Variants in DGKZ observed in about 807,000 individuals in gnomAD.
The protein encoded by DGKZ is diacylglycerol kinase zeta.
Under a neutral mutation model 142.5 loss-of-function variants are expected in DGKZ, and 45 were observed. That is an observed-to-expected ratio of 0.32 (90% CI 0.25 to 0.40). The LOEUF is 0.40. Among genes scored for constraint, DGKZ ranks in the 10% least tolerant of loss-of-function variants. The pLI, the probability that DGKZ is intolerant of heterozygous loss-of-function variation, is 1.00. For synonymous variants in DGKZ, 442 were observed against 527.0 expected (o/e 0.84, Z 2.21); for missense variants, 755 against 1,306.5 (o/e 0.58, Z 6.51).
intron 1 of DGKZ, chr11:46,366,853 T>TG (rs1344062971): frequency 6.5e-7 from 1 of 1,546,160 alleles, no homozygotes; most frequent in Non-Finnish European, 8.7e-7. Context: ...ACCCTGGCCC[T>TG]GGGGGCCGAA....
At chr11:46,347,387 C>G, upstream of DGKZ, 1 of 983,920 alleles carries the variant, frequency 1.0e-6, no homozygotes, top group Non-Finnish European at 1.2e-6. This position sits in a 1 kb window ranked among gnomAD's most constrained non-coding sequence, Gnocchi z 6.4. Flanking sequence ...TGCCACCGTG[C>G]GGCCGAGGGG....
intron 1 of DGKZ, chr11:46,366,695 C>G: frequency 6.4e-7 from 1 of 1,567,738 alleles, no homozygotes. Context: ...ACCCCCACCT[C>G]GGGGCGCCCA....
Position 46,335,449 on chromosome 11 carries a change from A to ACACG in DGKZ, c.212+1965_212+1966insGCAC, listed in dbSNP as rs1554938961. Among the ~76,000 whole-genome samples the ACACG allele has an allele frequency of 7.0e-3, 1,063 of 152,260 alleles. 3 individuals carry two copies. Among genetic ancestry groups the ACACG allele is most frequent in the African/African-American group, 0.025 (1,029 of 41,522 alleles). On this transcript the variant is annotated intron_variant, in intron 1 of 30. Transcript: ENST00000343674. ...CACGCACACACACACACACACACAC[A>ACACG]CACACGCACACAGCGGCAAGGGCTG...
intron 1 of DGKZ, among the ~76,000 whole-genome samples, chr11:46,336,543 C>T (rs1293505888): frequency 6.6e-6 from 1 of 152,160 alleles, no homozygotes. Flanking sequence ...GCCTGAGTGA[C>T]ACAGTGAGAC....
At chr11:46,362,143 G>T (rs954597910) in intron 1 of DGKZ, among the ~76,000 whole-genome samples, 5 of 152,182 alleles carry the variant, frequency 3.3e-5, no homozygotes, top group African/African-American at 1.2e-4. Flanking sequence ...GGGGTTCTGG[G>T]GAGGCAGCTG....
intron 14 of DGKZ, among the ~76,000 whole-genome samples, chr11:46,373,756 C>T (rs750460833): frequency 2.0e-5 from 3 of 152,202 alleles, no homozygotes; most frequent in Non-Finnish European, 2.9e-5. Flanking sequence ...CCTCGGCCTC[C>T]CAAAGCACTG....
In DGKZ at chr11:46,367,987, C is replaced by T. The variant is rs1943516538; in HGVS notation, c.367-15C>T. On this transcript the variant is annotated splice_polypyrimidine_tract_variant and intron_variant, in intron 3 of 30. Transcript: ENST00000527911. This position sits in a 1 kb window ranked among gnomAD's most constrained non-coding sequence, Gnocchi z 4.1. ...TTACCTGGTGCCTCAGGGGCCCTCT[C>T]TTCCTGTCCTGCAGCAGAAGTCAGT... is the stretch of plus-strand genomic sequence containing the variant. The T allele has an allele frequency of 3.7e-6, 6 of 1,613,828 alleles. No homozygotes were observed. The highest frequency in any genetic ancestry group is 5.1e-6 in the Non-Finnish European group (6 of 1,179,970).
At chr11:46,365,302 A>C (rs1943121400) in intron 1 of DGKZ, 1 of 985,254 alleles carries the variant, frequency 1.0e-6, no homozygotes, top group Admixed American at 6.1e-5. Context: ...CATCAGGAGC[A>C]GAGTCAGAAG....
chr11:46,369,237 G>A (rs965744863), intron 4 of DGKZ: 32 of 564,056 alleles, frequency 5.7e-5, no homozygotes, highest in Middle Eastern at 6.4e-4. Flanking sequence ...TGGGGGAGAC[G>A]GACCCAAAGC....
At chr11:46,348,645 C>T (rs1003573177) in intron 1 of DGKZ, among the ~76,000 whole-genome samples, 1 of 152,206 alleles carries the variant, frequency 6.6e-6, no homozygotes, top group African/African-American at 2.4e-5. Context: ...GACCAGGACT[C>T]TAGCGGGGAA....
intron 1 of DGKZ, among the ~76,000 whole-genome samples, chr11:46,334,174 A>AC (rs1449388604): frequency 6.6e-6 from 1 of 152,116 alleles, no homozygotes; most frequent in African/African-American, 2.4e-5. Flanking sequence ...CTGGGGTAGG[A>AC]CGTTAATGAG....
rs1336822808 is a variant in DGKZ, at chr11:46,369,923, T to C, written c.502-18T>C. Reference sequence around the variant, plus strand: ...TGCCCACCCCTCACCCAGTGAAATTTTTCCCCTTCTCCCCCAGCCAACCTT... The same window carrying C: ...TGCCCACCCCTCACCCAGTGAAATTCTTCCCCTTCTCCCCCAGCCAACCTT... On this transcript the variant is annotated intron_variant, in intron 5 of 30. Transcript: ENST00000527911. The C allele has an allele frequency of 6.2e-7, 1 of 1,613,798 alleles. No individual in the cohort carries two copies. The highest frequency in any genetic ancestry group is 1.7e-5 in the Admixed American group (1 of 60,014).
chr11:46,368,259 A>T, intron 4 of DGKZ, 180 bp downstream of exon 4: 1 of 706,156 alleles, frequency 1.4e-6, no homozygotes, highest in Non-Finnish European at 2.6e-6. Flanking sequence ...CTCACTGATT[A>T]GCTGCTGTAT....
chr11:46,350,326 C>G (rs1841948827), intron 1 of DGKZ, among the ~76,000 whole-genome samples: 1 of 152,120 alleles, frequency 6.6e-6, no homozygotes, highest in African/African-American at 2.4e-5. Flanking sequence ...GGTTCTGCCC[C>G]CTCCAATGCT....
intron 1 of DGKZ, among the ~76,000 whole-genome samples, chr11:46,353,343 C>G (rs1458723711): frequency 6.6e-6 from 1 of 152,168 alleles, no homozygotes; most frequent in Non-Finnish European, 1.5e-5. Context: ...CTGGGAAGAC[C>G]TAAGAAGAGG....
intron 1 of DGKZ, among the ~76,000 whole-genome samples, chr11:46,363,250 T>C (rs1181634928): frequency 6.6e-6 from 1 of 152,184 alleles, no homozygotes; most frequent in East Asian, 1.9e-4. Flanking sequence ...CAGAGGTTTC[T>C]ATGGAGACCA....
chr11:46,377,939 C>T, intron 25 of DGKZ: 1 of 560,750 alleles, frequency 1.8e-6, no homozygotes, highest in Non-Finnish European at 3.2e-6. Context: ...GTTCTGAATT[C>T]TTAAGAGCAC....
intron 1 of DGKZ, among the ~76,000 whole-genome samples, chr11:46,355,816 G>A (rs1327915349): frequency 2.6e-5 from 4 of 151,946 alleles, no homozygotes; most frequent in African/African-American, 4.8e-5. Flanking sequence ...GCGCGGTCTC[G>A]GCTCACCGCA....
intron 1 of DGKZ, among the ~76,000 whole-genome samples, chr11:46,350,562 C>A (rs1316608776): frequency 6.9e-6 from 1 of 144,544 alleles, no homozygotes; most frequent in East Asian, 2.4e-4. Flanking sequence ...ACGGGAAGAT[C>A]AAGGGTAACA....
Sources: gnomAD v4.1 joint callset for allele counts (sites outside exome capture counted in the v4.1 genomes callset) on GRCh38, gnomAD v4.1.1 for gene constraint, Gnocchi (gnomAD v3.1) non-coding constraint, MANE v1.5 for transcripts, NCBI Gene and HGNC (gene_info 2026-07-23, HGNC 2026-07-21) for gene names.